Variants in ABCA5 observed in about 807,000 individuals in gnomAD.
ABCA5 encodes the protein cholesterol transporter ABCA5.
ABCA5 carries 163 observed loss-of-function variants against 206.0 expected under a neutral mutation model. The ratio of observed to expected loss-of-function variants is 0.79; its 90% CI spans 0.70 to 0.90. The LOEUF is 0.90. Ranked by LOEUF, ABCA5 falls within the 40% of genes least tolerant of loss-of-function variation. The probability of loss-of-function intolerance (pLI) is 0.00; values close to 1 mark genes in which losing one functional copy is unlikely to be tolerated. For missense variants in ABCA5, 1,859 were observed against 1,912.9 expected (o/e 0.97, Z 0.53); for synonymous variants, 609 against 613.8 (o/e 0.99, Z 0.11).
At chr17:69,259,826 A>G (rs2075126189) in intron 27 of ABCA5, 29 bp from the exon 28 acceptor site, 1 of 1,378,566 alleles carries the variant, frequency 7.3e-7, no homozygotes. Context: ...GCAGCTCATG[A>G]CTAAAAGATT....
At chr17:69,305,126 TG>T (rs2075703416) in intron 6 of ABCA5, among the ~76,000 whole-genome samples, 1 of 152,228 alleles carries the variant, frequency 6.6e-6, no homozygotes, top group Admixed American at 6.5e-5. Context: ...ACAATGTCTC[TG>T]ATTTTCTTAA....
At chr17:69,303,262 C>A (rs925740760) in intron 7 of ABCA5, among the ~76,000 whole-genome samples, 5 of 152,010 alleles carry the variant, frequency 3.3e-5, no homozygotes, top group African/African-American at 1.2e-4. Flanking sequence ...GGATTACAGG[C>A]GTGGGGCACC....
Position 69,286,292 on chromosome 17 carries a change from T to C in ABCA5, c.2061A>G (p.Ser687=). The change falls in exon 16 of 39, where the codon TCA becomes TCG. Residue 687 remains serine, a synonymous_variant. Coordinates refer to ENST00000392676, the MANE Select transcript of ABCA5 (RefSeq NM_172232.4). ...AACCAACACATTTCAGCATTCCTTG[T>C]GATATCACAGCTTTCCTATCTGCAG... The part of the protein sequence containing the change: ...DILADRKAVI[S]QGMLKCVGSS... 1 of 1,592,038 alleles carries C rather than the reference T, an allele frequency of 6.3e-7. No individual in the cohort carries two copies. The highest frequency in any genetic ancestry group is 8.5e-7 in the Non-Finnish European group (1 of 1,174,768).
At chr17:69,278,772 C>G (rs1458387460) in intron 18 of ABCA5, among the ~76,000 whole-genome samples, 1 of 151,900 alleles carries the variant, frequency 6.6e-6, no homozygotes, top group Non-Finnish European at 1.5e-5. Flanking sequence ...TAAACAGAGC[C>G]AAAGACAAAA....
In ABCA5 at chr17:69,308,368, G is replaced by T; in HGVS notation, c.470C>A (p.Ala157Asp). 2 of 1,606,478 alleles carry T rather than the reference G, an allele frequency of 1.2e-6. No individual in the cohort carries two copies. The highest frequency in any genetic ancestry group is 1.7e-6 in the Non-Finnish European group (2 of 1,173,906). ...PVSSIYMDSR[A>D]GCSKSCEAAQ... ...AGCCTCACATGATTTTGAACAGCCA[G>T]CTATGGGGGGAAGAATATGAGATCT... Residue 157 changes from alanine to aspartate, a missense_variant and splice_region_variant, in exon 5 of 39, where the codon GCT becomes GAT. Physicochemically the swap from Ala to Asp is moderately radical, Grantham distance 126 (BLOSUM62 -2). Transcript: ENST00000392676.
rs1452361342 is a variant in ABCA5 at position 69,250,090 on chromosome 17, T to C, written c.4686-106A>G. On this transcript the variant is annotated intron_variant, in intron 36 of 38. Transcript: ENST00000392676. ...ATTCAAAATTAAATTCAATAACTTA[T>C]TTTGGTATTTAGTTGGATGAAAATT... 4 of 742,250 alleles carry C rather than the reference T, an allele frequency of 5.4e-6. No homozygotes were observed. In the African/African-American group the frequency reaches 5.5e-5, roughly 10 times the overall value. 46.0% of individuals were successfully genotyped at this position (742,250 alleles called of 1,614,324 possible).
chr17:69,273,688 T>A (rs985947612), intron 20 of ABCA5, among the ~76,000 whole-genome samples: 1 of 152,020 alleles, frequency 6.6e-6, no homozygotes. Flanking sequence ...TCCCCTGACC[T>A]CAGGTGATCC....
chr17:69,315,686 G>C (rs185324253), intron 1 of ABCA5, among the ~76,000 whole-genome samples: 1 of 151,918 alleles, frequency 6.6e-6, no homozygotes, highest in South Asian at 2.1e-4. Context: ...AGGAGGCTGA[G>C]GCAGGAGATC....
chr17:69,250,348 C>T, intron 36 of ABCA5, 124 bp downstream of exon 36: 1 of 714,266 alleles, frequency 1.4e-6, no homozygotes. Flanking sequence ...TATATTCACA[C>T]ACAGAGATAT....
intron 23 of ABCA5, among the ~76,000 whole-genome samples, chr17:69,266,571 AAT>A (rs201203170): frequency 0.097 from 14,268 of 146,476 alleles, 898 homozygotes; most frequent in Non-Finnish European, 0.15. Context: ...GTATAATAAA[AAT>A]ATATATATAT....
intron 7 of ABCA5, among the ~76,000 whole-genome samples, chr17:69,303,117 T>C (rs985252757): frequency 6.6e-6 from 1 of 152,182 alleles, no homozygotes; most frequent in African/African-American, 2.4e-5. Context: ...TTTTGTGTTT[T>C]TGTTTTGATT....
chr17:69,314,448 C>A lies in ABCA5; in HGVS notation c.-15-18G>T. ...GAATAAACCTATTAAAGAGGAAAAA[C>A]AAACAAACAAACCCGGAGCCACGCA... On this transcript the variant is annotated intron_variant, in intron 1 of 38. Coordinates refer to ENST00000392676, the MANE Select transcript of ABCA5 (RefSeq NM_172232.4). 2 of 1,465,484 alleles carry A rather than the reference C, an allele frequency of 1.4e-6. No homozygotes were observed. The highest frequency in any genetic ancestry group is 1.8e-5 in the Admixed American group (1 of 55,198). 90.8% of individuals were successfully genotyped at this position (1,465,484 alleles called of 1,614,324 possible). A position where few individuals can be genotyped will look rare whatever the true frequency, so the allele number is the denominator to read the frequency against.
At position 69,289,846 on chromosome 17, in the gene ABCA5, T is replaced by C; in HGVS notation, c.1782+16A>G. 6.4e-7 allele frequency: 1 copy of C among 1,560,472 alleles called. No individual in the cohort carries two copies. The highest frequency in any genetic ancestry group is 8.7e-7 in the Non-Finnish European group (1 of 1,152,568). ...TACAGGAAATAAAAGTAAAGATTTC[T>C]ATATGAATAGCATACTTCTTGTATT... On this transcript the variant is annotated intron_variant, in intron 13 of 38. Transcript: ENST00000392676.
rs2144880405 is a variant in ABCA5 at position 69,246,725 on chromosome 17, T to G, written c.*812A>C. ...AGGAAGATGACAAAAAATTTATATG[T>G]TCCAAGAGTGATGAAGGAAAAGGTA... On this transcript the variant is annotated 3_prime_UTR_variant, in exon 39 of 39. Transcript: ENST00000392676. 1 of 152,044 alleles carries G rather than the reference T, an allele frequency of 6.6e-6. No homozygotes were observed. Among genetic ancestry groups the G allele is most frequent in the South Asian group, 2.1e-4 (1 of 4,828 alleles). The allele number at this position is 152,044 out of a possible 1,614,324, so 9.4% of individuals were successfully genotyped here. A position where few individuals can be genotyped will look rare whatever the true frequency, so the allele number is the denominator to read the frequency against.
At position 69,314,433 on chromosome 17, in the gene ABCA5, A is replaced by C. The variant is rs1274810890; in HGVS notation, c.-15-3T>G. Reference sequence around the variant, plus strand: ...GTGGACATGTTTTCTGAATAAACCTATTAAAGAGGAAAAACAAACAAACAA... The same window carrying C: ...GTGGACATGTTTTCTGAATAAACCTCTTAAAGAGGAAAAACAAACAAACAA... On this transcript the variant is annotated splice_region_variant and splice_polypyrimidine_tract_variant and intron_variant, in intron 1 of 38. Coordinates refer to ENST00000392676, the MANE Select transcript of ABCA5 (RefSeq NM_172232.4). 1 of 1,559,700 alleles carries C rather than the reference A, an allele frequency of 6.4e-7. No individual in the cohort carries two copies. Among genetic ancestry groups the C allele is most frequent in the Non-Finnish European group, 8.8e-7 (1 of 1,136,512 alleles).
chr17:69,304,988 A>G (rs1054775176), intron 6 of ABCA5, among the ~76,000 whole-genome samples, 178 bp from the exon 7 acceptor site: 1 of 146,310 alleles, frequency 6.8e-6, no homozygotes, highest in African/African-American at 2.5e-5. Context: ...TAAAAATAGT[A>G]TTGGTTAAGT....
intron 10 of ABCA5, among the ~76,000 whole-genome samples, chr17:69,295,504 C>T (rs1232126390): frequency 6.6e-6 from 1 of 152,158 alleles, no homozygotes; most frequent in Non-Finnish European, 1.5e-5. Flanking sequence ...GCTTGGAACA[C>T]ACAAGCTCAC....
chr17:69,281,705 T>C (rs571957686), intron 18 of ABCA5, among the ~76,000 whole-genome samples: 42 of 152,298 alleles, frequency 2.8e-4, no homozygotes, highest in African/African-American at 9.9e-4. Context: ...GACAAATTAT[T>C]GTTCCCACAC....
At chr17:69,261,022 A>G in intron 26 of ABCA5, 103 bp downstream of exon 26, 3 of 915,496 alleles carry the variant, frequency 3.3e-6, no homozygotes, top group South Asian at 1.9e-5. Flanking sequence ...AGTAGCCATT[A>G]GCCCAATGCA....
Sources: allele counts gnomAD v4.1 joint callset (sites outside exome capture counted in the v4.1 genomes callset), GRCh38; gene constraint gnomAD v4.1.1; transcripts MANE v1.5; gene names NCBI Gene and HGNC (gene_info 2026-07-23, HGNC 2026-07-21).